The following NDUFS4 variants were observed in gnomAD, a reference collection of about 807,000 sequenced individuals.
The protein encoded by NDUFS4 is NADH:ubiquinone oxidoreductase subunit S4, also known as NADH dehydrogenase [ubiquinone] iron-sulfur protein 4, mitochondrial.
A neutral mutation model predicts 24.3 loss-of-function variants in NDUFS4; 28 were observed. The ratio of observed to expected loss-of-function variants is 1.15; its 90% CI spans 0.85 to 1.58. The LOEUF (loss-of-function observed/expected upper bound fraction) is 1.58, where lower values mean the gene tolerates loss of function less well. NDUFS4 is among the 40% of genes most tolerant of loss of function. The probability of loss-of-function intolerance (pLI) is 0.00; values close to 1 mark genes in which losing one functional copy is unlikely to be tolerated. For synonymous variants in NDUFS4, 93 were observed against 69.7 expected (o/e 1.34, Z -1.67); for missense variants, 223 against 207.9 (o/e 1.07, Z -0.45).
At chr5:53,567,515 T>C (rs1029495614) in intron 1 of NDUFS4, among the ~76,000 whole-genome samples, 5 of 152,196 alleles carry the variant, frequency 3.3e-5, no homozygotes, top group African/African-American at 1.2e-4. Context: ...TGACTTATTA[T>C]ACTTTTTTAC....
chr5:53,618,289 AAAT>A (rs1750916624), intron 2 of NDUFS4, among the ~76,000 whole-genome samples: 1 of 152,000 alleles, frequency 6.6e-6, no homozygotes, highest in African/African-American at 2.4e-5. Flanking sequence ...ATAAATAAAT[AAAT>A]AACGCATTAT....
At chr5:53,649,461 A>AT (rs1253347342) in intron 3 of NDUFS4, among the ~76,000 whole-genome samples, 1 of 151,960 alleles carries the variant, frequency 6.6e-6, no homozygotes, top group Non-Finnish European at 1.5e-5. Context: ...GCAGTCTTTG[A>AT]TTTTCTGTTT....
intron 4 of NDUFS4, among the ~76,000 whole-genome samples, chr5:53,661,373 T>A (rs1176478962): frequency 6.6e-6 from 1 of 152,246 alleles, no homozygotes; most frequent in Non-Finnish European, 1.5e-5. Flanking sequence ...TCTGTTTTGG[T>A]ACCAGTACCA....
chr5:53,629,707 CT>C (rs945194066), intron 2 of NDUFS4, among the ~76,000 whole-genome samples: 154 of 151,494 alleles, frequency 1.0e-3, no homozygotes, highest in African/African-American at 3.6e-3. Flanking sequence ...GTAACCCCTC[CT>C]TTTTTTTTCT....
intron 1 of NDUFS4, among the ~76,000 whole-genome samples, chr5:53,579,800 G>A (rs763441038): frequency 2.6e-5 from 4 of 152,224 alleles, no homozygotes; most frequent in Non-Finnish European, 5.9e-5. Flanking sequence ...TGGGCCTGAT[G>A]TAATCACAAT....
chr5:53,676,559 A>G (rs575373913), intron 4 of NDUFS4, among the ~76,000 whole-genome samples: 36 of 152,194 alleles, frequency 2.4e-4, no homozygotes, highest in Non-Finnish European at 4.3e-4. Flanking sequence ...TTGGAACACT[A>G]GATAACATTT....
intron 2 of NDUFS4, among the ~76,000 whole-genome samples, chr5:53,613,666 A>G (rs1001173981): frequency 6.6e-6 from 1 of 151,724 alleles, no homozygotes; most frequent in African/African-American, 2.4e-5. Context: ...GCTATTGAAA[A>G]AAAAAAAAAT....
chr5:53,656,760 A>G (rs1350211079), intron 3 of NDUFS4, among the ~76,000 whole-genome samples: 1 of 152,164 alleles, frequency 6.6e-6, no homozygotes, highest in Non-Finnish European at 1.5e-5. Flanking sequence ...GCAGAGAGTG[A>G]GTTTGGGATT....
chr5:53,607,970 TTTACA>T (rs1750580194), intron 2 of NDUFS4, among the ~76,000 whole-genome samples: 1 of 152,212 alleles, frequency 6.6e-6, no homozygotes, highest in African/African-American at 2.4e-5. Flanking sequence ...ACTGGCTTAT[TTTACA>T]TTAAATTTAT....
chr5:53,564,490 A>G (rs977810332), intron 1 of NDUFS4, among the ~76,000 whole-genome samples: 1 of 152,178 alleles, frequency 6.6e-6, no homozygotes, highest in Non-Finnish European at 1.5e-5. Flanking sequence ...CCAAATGCCC[A>G]TACTTAGTTT....
intron 2 of NDUFS4, among the ~76,000 whole-genome samples, chr5:53,636,772 C>T (rs1751566883): frequency 6.6e-6 from 1 of 152,082 alleles, no homozygotes; most frequent in East Asian, 1.9e-4. Context: ...CCTGTCTGTG[C>T]TGTTCTTGTA....
At chr5:53,653,945 C>T (rs1330980011) in intron 3 of NDUFS4, among the ~76,000 whole-genome samples, 1 of 151,994 alleles carries the variant, frequency 6.6e-6, no homozygotes, top group African/African-American at 2.4e-5. Context: ...CTTTAGTTGT[C>T]ATGGTTTTTC....
intron 4 of NDUFS4, among the ~76,000 whole-genome samples, chr5:53,660,245 G>A (rs191206425): frequency 4.2e-4 from 62 of 148,430 alleles, no homozygotes; most frequent in African/African-American, 1.5e-3. Flanking sequence ...GAGAACATGC[G>A]GTGTTTGCTT....
At chr5:53,674,060 A>T (rs1440567891) in intron 4 of NDUFS4, among the ~76,000 whole-genome samples, 1 of 152,216 alleles carries the variant, frequency 6.6e-6, no homozygotes, top group East Asian at 1.9e-4. Flanking sequence ...AATAAAAGAC[A>T]GTTAAAAATA....
chr5:53,656,213 T>G (rs1752157585), intron 3 of NDUFS4, among the ~76,000 whole-genome samples: 1 of 59,668 alleles, frequency 1.7e-5, no homozygotes, highest in Admixed American at 1.8e-4. Flanking sequence ...CTCTAGAAGT[T>G]TATTTTTTTT....
chr5:53,682,898 A>G (rs978313278), intron 4 of NDUFS4, among the ~76,000 whole-genome samples: 3 of 151,910 alleles, frequency 2.0e-5, no homozygotes, highest in African/African-American at 7.3e-5. Flanking sequence ...ACAACTTGAG[A>G]TATGGTAAAT....
chr5:53,665,594 C>T (rs7737530), intron 4 of NDUFS4, among the ~76,000 whole-genome samples: 65,723 of 152,074 alleles, frequency 0.43, 14,877 homozygotes, highest in Admixed American at 0.51. Context: ...TAACAATGAG[C>T]GAGGCTTTGT....
chr5:53,585,567 A>AC (rs1431428714), intron 1 of NDUFS4, among the ~76,000 whole-genome samples: 6 of 151,570 alleles, frequency 4.0e-5, no homozygotes, highest in Non-Finnish European at 8.8e-5. Flanking sequence ...ACATGGAGAA[A>AC]CCCCTTCTCT....
At chr5:53,631,267 T>A (rs1191895286) in intron 2 of NDUFS4, among the ~76,000 whole-genome samples, 1 of 152,142 alleles carries the variant, frequency 6.6e-6, no homozygotes. Context: ...CTTCGTCCCA[T>A]AGAGGCACCT....
Sources: gnomAD v4.1 joint callset for allele counts (sites outside exome capture counted in the v4.1 genomes callset) on GRCh38, gnomAD v4.1.1 for gene constraint, MANE v1.5 for transcripts, NCBI Gene and HGNC (gene_info 2026-07-23, HGNC 2026-07-21) for gene names.